Variants in PTPRD observed in about 807,000 individuals in gnomAD.
PTPRD encodes the protein protein tyrosine phosphatase receptor type D, also known as receptor-type tyrosine-protein phosphatase delta.
In PTPRD, 34 loss-of-function variants were observed where a neutral mutation model predicts 214.5. The observed-to-expected ratio is 0.16, with a 90% CI of 0.12 to 0.21. The LOEUF is 0.21. PTPRD is among the 10% of genes least tolerant of loss of function. PTPRD has a pLI of 1.00. For missense variants in PTPRD, 2,545 were observed against 2,398.7 expected (o/e 1.06, Z -1.27); for synonymous variants, 1,128 against 845.7 (o/e 1.33, Z -5.79).
chr9:10,063,097 C>G (rs769858285), intron 3 of PTPRD, among the ~76,000 whole-genome samples: 17 of 151,960 alleles, frequency 1.1e-4, no homozygotes, highest in Non-Finnish European at 1.9e-4. Flanking sequence ...TGAAATTCTG[C>G]TTAATTAGCA....
At chr9:10,379,119 G>C (rs918655630) in intron 2 of PTPRD, among the ~76,000 whole-genome samples, 1 of 151,472 alleles carries the variant, frequency 6.6e-6, no homozygotes, top group Admixed American at 6.6e-5. Context: ...TTTCAGATCA[G>C]TCACTGTTGG....
At position 8,592,669 on chromosome 9, in the gene PTPRD, G is replaced by A. The variant is rs1381453402; in HGVS notation, c.352+40648C>T. 3.9e-5 allele frequency among the ~76,000 whole-genome samples: 6 copies of A among 152,068 alleles called. No individual in the cohort carries two copies. The South Asian group carries it at 6.2e-4, about 16-fold the overall frequency. Reference sequence around the variant, plus strand: ...ATTCACATGACAAAGGTTGAATATCGTGGTTACTGAGTGGCAGATATTGAG... The same window carrying A: ...ATTCACATGACAAAGGTTGAATATCATGGTTACTGAGTGGCAGATATTGAG... On this transcript the variant is annotated intron_variant, in intron 14 of 45. Transcript: ENST00000381196.
intron 10 of PTPRD, among the ~76,000 whole-genome samples, chr9:9,162,662 G>GT (rs1030661143): frequency 9.2e-5 from 14 of 151,910 alleles, no homozygotes; most frequent in African/African-American, 3.4e-4. Flanking sequence ...ATCATGCATG[G>GT]TTTTTCAGCA....
chr9:8,644,783 C>G (rs2096651894), intron 12 of PTPRD, among the ~76,000 whole-genome samples: 1 of 152,210 alleles, frequency 6.6e-6, no homozygotes. Context: ...GTGCAGTGAC[C>G]AAACCCCACG....
chr9:8,799,710 T>C (rs2096532971), intron 11 of PTPRD, among the ~76,000 whole-genome samples: 1 of 152,192 alleles, frequency 6.6e-6, no homozygotes. Context: ...ACTTTTCTTT[T>C]ATGAAAAGAA....
At chr9:9,890,276 T>C (rs539513601) in intron 5 of PTPRD, among the ~76,000 whole-genome samples, 1 of 152,100 alleles carries the variant, frequency 6.6e-6, no homozygotes, top group Admixed American at 6.6e-5. Flanking sequence ...TGGCTCACTG[T>C]AGCCTCCACT....
chr9:8,664,467 C>T (rs943877583), intron 12 of PTPRD, among the ~76,000 whole-genome samples: 3 of 152,170 alleles, frequency 2.0e-5, no homozygotes, highest in Non-Finnish European at 2.9e-5. Context: ...GGCAAGCACC[C>T]ATCCCTGATA....
chr9:9,811,248 T>G (rs555747894), intron 5 of PTPRD, among the ~76,000 whole-genome samples: 1 of 152,192 alleles, frequency 6.6e-6, no homozygotes, highest in East Asian at 1.9e-4. Flanking sequence ...GAGTCTAACC[T>G]TCATGGATGG....
chr9:8,685,598 T>A (rs2097664128), intron 12 of PTPRD, among the ~76,000 whole-genome samples: 1 of 152,154 alleles, frequency 6.6e-6, no homozygotes, highest in Non-Finnish European at 1.5e-5. Context: ...TTGGGCTGAT[T>A]TTTTACCATA....
At chr9:8,593,847 T>C (rs1037204907) in intron 14 of PTPRD, among the ~76,000 whole-genome samples, 2 of 152,194 alleles carry the variant, frequency 1.3e-5, no homozygotes, top group Admixed American at 1.3e-4. Flanking sequence ...GGATACAACA[T>C]GATTAAAGAG....
intron 3 of PTPRD, among the ~76,000 whole-genome samples, chr9:10,242,175 A>T (rs1440711788): frequency 3.3e-5 from 5 of 151,928 alleles, no homozygotes; most frequent in Non-Finnish European, 7.4e-5. Context: ...TTCTAACTGC[A>T]TTTTTTCCAG....
At chr9:10,101,248 TCG>T (rs748130079) in intron 3 of PTPRD, among the ~76,000 whole-genome samples, 12,712 of 151,580 alleles carry the variant, frequency 0.084, 900 homozygotes, top group East Asian at 0.38. Context: ...ACTATGGGAC[TCG>T]CTGAAAGTAA....
rs78206649 is a variant in PTPRD at position 10,173,067 on chromosome 9, G to A, written c.-544-139277C>T. ...TACCTAACAAATAATTCATATTACA[G>A]AATAGAATGTGGCCATTTTTTATCT... is the stretch of plus-strand genomic sequence containing the variant. On this transcript the variant is annotated intron_variant, in intron 3 of 45. Transcript: ENST00000381196. 2.0e-5 allele frequency among the ~76,000 whole-genome samples: 3 copies of A among 152,116 alleles called. No homozygotes were observed. In the East Asian group the frequency reaches 5.8e-4, roughly 29 times the overall value.
intron 7 of PTPRD, among the ~76,000 whole-genome samples, chr9:9,618,376 C>T (rs2095033107): frequency 6.6e-6 from 1 of 151,072 alleles, no homozygotes; most frequent in African/African-American, 2.4e-5. Context: ...TCCTCCATAC[C>T]TATGGATTAA....
In PTPRD at chr9:9,656,070, G is replaced by A. The variant is rs141187723; in HGVS notation, c.-287+78463C>T. On this transcript the variant is annotated intron_variant, in intron 7 of 45. Coordinates refer to ENST00000381196, the MANE Select transcript of PTPRD (RefSeq NM_002839.4). ...AAGAAAGTGAAAATTAAAACAATGC[G>A]GTACCACTACGATCTATTCCCATGG... is the stretch of plus-strand genomic sequence containing the variant. 1.9e-4 allele frequency among the ~76,000 whole-genome samples: 29 copies of A among 152,154 alleles called. No individual in the cohort carries two copies. The South Asian group carries it at 2.7e-3, about 14-fold the overall frequency.
At chr9:9,786,518 AAC>A (rs1256625272) in intron 5 of PTPRD, among the ~76,000 whole-genome samples, 1 of 152,222 alleles carries the variant, frequency 6.6e-6, no homozygotes, top group Non-Finnish European at 1.5e-5. Flanking sequence ...GCATGTGAGA[AAC>A]ACAACAGAAT....
At chr9:9,264,945 G>A (rs1421840379) in intron 9 of PTPRD, among the ~76,000 whole-genome samples, 1 of 150,584 alleles carries the variant, frequency 6.6e-6, no homozygotes, top group Admixed American at 6.6e-5. Flanking sequence ...AAAGCTGTCT[G>A]TCCGTCAGAA....
At chr9:9,966,414 C>T (rs1265193278) in intron 4 of PTPRD, among the ~76,000 whole-genome samples, 1 of 152,146 alleles carries the variant, frequency 6.6e-6, no homozygotes, top group East Asian at 1.9e-4. Context: ...CTAAGGTAGG[C>T]GTGTGCTATG....
intron 8 of PTPRD, among the ~76,000 whole-genome samples, chr9:9,478,917 AT>A (rs1369712552): frequency 6.6e-6 from 1 of 152,140 alleles, no homozygotes; most frequent in Non-Finnish European, 1.5e-5. Flanking sequence ...ACCGGGAGAA[AT>A]TTTTTGGCAA....
Sources: gnomAD v4.1 joint callset for allele counts (sites outside exome capture counted in the v4.1 genomes callset) on GRCh38, gnomAD v4.1.1 for gene constraint, MANE v1.5 for transcripts, NCBI Gene and HGNC (gene_info 2026-07-23, HGNC 2026-07-21) for gene names.